The following CGRRF1 variants were observed in gnomAD, a reference collection of about 807,000 sequenced individuals.
CGRRF1 encodes cell growth regulator with ring finger domain 1.
CGRRF1 carries 32 observed loss-of-function variants against 37.2 expected under a neutral mutation model. The ratio of observed to expected loss-of-function variants is 0.86; its 90% CI spans 0.65 to 1.16. The LOEUF is 1.16. Among genes scored for constraint, CGRRF1 ranks in the 50% most tolerant of loss-of-function variants. CGRRF1 has a pLI of 0.00. For missense variants in CGRRF1, 391 were observed against 382.6 expected, an observed-to-expected ratio of 1.02 and a Z score of -0.18; for synonymous variants, 141 against 140.3, an observed-to-expected ratio of 1.00 and a Z score of -0.04.
chr14:54,517,076 A>G lies in CGRRF1; in HGVS notation c.105-5378A>G, dbSNP rs897320125. On this transcript the variant is annotated intron_variant, in intron 1 of 5. Transcript: ENST00000216420. ...ACTTTTCTTCTGAAACATATGGAAT[A>G]TAGTCCTAGGAGCTATTTTTATATC... 3.9e-5 allele frequency among the ~76,000 whole-genome samples: 6 copies of G among 152,222 alleles called. No homozygotes were observed. The South Asian group carries it at 6.2e-4, about 16-fold the overall frequency.
At chr14:54,527,540 C>T (rs1238857833) in intron 2 of CGRRF1, among the ~76,000 whole-genome samples, 1 of 151,954 alleles carries the variant, frequency 6.6e-6, no homozygotes, top group Non-Finnish European at 1.5e-5. Context: ...ATTTTAGAGA[C>T]ATTTTAAGAT....
intron 1 of CGRRF1, among the ~76,000 whole-genome samples, chr14:54,512,708 A>G (rs979936388): frequency 2.6e-5 from 4 of 152,178 alleles, no homozygotes; most frequent in Non-Finnish European, 4.4e-5. Flanking sequence ...ACTTGCCACA[A>G]TAGTGCCTCA....
At chr14:54,518,355 G>T (rs1008752282) in intron 1 of CGRRF1, among the ~76,000 whole-genome samples, 2 of 152,018 alleles carry the variant, frequency 1.3e-5, no homozygotes, top group Admixed American at 1.3e-4. Flanking sequence ...AGACCAGCCT[G>T]ACCAACATGG....
chr14:54,538,439 C>G lies in CGRRF1; in HGVS notation c.*56C>G. 1 of 1,280,020 alleles carries G rather than the reference C, an allele frequency of 7.8e-7. No individual in the cohort carries two copies. The highest frequency in any genetic ancestry group is 1.4e-5 in the South Asian group (1 of 71,644). The allele number at this position is 1,280,020 out of a possible 1,614,324, so 79.3% of individuals were successfully genotyped here. A position where few individuals can be genotyped will look rare whatever the true frequency, so the allele number is the denominator to read the frequency against. On this transcript the variant is annotated 3_prime_UTR_variant, in exon 6 of 6. Coordinates refer to ENST00000216420, the MANE Select transcript of CGRRF1 (RefSeq NM_006568.3). ...TACTAAAGATGCAGAAATTGATGATCTTGGAATTCATCATAACATGGAATC... is the reference window on the plus strand; with the variant it reads ...TACTAAAGATGCAGAAATTGATGATGTTGGAATTCATCATAACATGGAATC...
At chr14:54,518,871 C>T (rs1250902228) in intron 1 of CGRRF1, among the ~76,000 whole-genome samples, 1 of 152,040 alleles carries the variant, frequency 6.6e-6, no homozygotes, top group Non-Finnish European at 1.5e-5. Context: ...ATTGCAAAAA[C>T]ATTTTATATT....
intron 2 of CGRRF1, among the ~76,000 whole-genome samples, chr14:54,526,387 G>T (rs2032412548): frequency 6.6e-6 from 1 of 151,514 alleles, no homozygotes; most frequent in African/African-American, 2.4e-5. Context: ...TTGACCTCAT[G>T]ATCTGCCCAC....
Position 54,538,306 on chromosome 14 carries a change from T to G in CGRRF1, c.922T>G (p.Cys308Gly). The G allele has an allele frequency of 6.2e-7, 1 of 1,614,186 alleles. No homozygotes were observed. Among genetic ancestry groups the G allele is most frequent in the Non-Finnish European group, 8.5e-7 (1 of 1,179,988 alleles). The change falls in exon 6 of 6, where the codon TGC becomes GGC. Residue 308 changes from cysteine (C) to glycine (G), a missense_variant. Cys to Gly is a radical substitution (Grantham distance 159). Coordinates refer to ENST00000216420, the MANE Select transcript of CGRRF1 (RefSeq NM_006568.3). ...GAAGTATTTTCAGCAGTGCCCAATGTGCAGGCAGTTTGTTCAGGAATCTTT... is the reference window on the plus strand; with the variant it reads ...GAAGTATTTTCAGCAGTGCCCAATGGGCAGGCAGTTTGTTCAGGAATCTTT... Reference protein sequence around the residue: ...CVKYFQQCPMCRQFVQESFAL... With the variant: ...CVKYFQQCPMGRQFVQESFAL...
chr14:54,515,861 C>G (rs1594646961), intron 1 of CGRRF1, among the ~76,000 whole-genome samples: 1 of 151,946 alleles, frequency 6.6e-6, no homozygotes, highest in East Asian at 1.9e-4. Flanking sequence ...ATGTTTTTAT[C>G]CAATCTGATA....
At chr14:54,529,990 A>G (rs896994054) in intron 2 of CGRRF1, 59 bp from the exon 3 acceptor site, 4 of 1,398,382 alleles carry the variant, frequency 2.9e-6, no homozygotes, top group South Asian at 1.3e-5. Context: ...CTCACCCTGT[A>G]TGATTGTATT....
chr14:54,530,658 G>C (rs1185375885), intron 3 of CGRRF1: 4 of 832,448 alleles, frequency 4.8e-6, no homozygotes, highest in Non-Finnish European at 5.6e-6. Flanking sequence ...CTAACTTATT[G>C]ATCATTTTTG....
intron 4 of CGRRF1, among the ~76,000 whole-genome samples, chr14:54,531,788 CTT>C (rs1366054307): frequency 1.3e-5 from 2 of 152,048 alleles, no homozygotes; most frequent in African/African-American, 4.8e-5. Flanking sequence ...AGGACTGAAA[CTT>C]TGACAATCAT....
chr14:54,518,234 C>G (rs1025001563), intron 1 of CGRRF1, among the ~76,000 whole-genome samples: 1 of 152,090 alleles, frequency 6.6e-6, no homozygotes, highest in African/African-American at 2.4e-5. Context: ...AATTTATATT[C>G]CCACCAACAG....
chr14:54,532,454 T>C (rs1430488700), intron 4 of CGRRF1, among the ~76,000 whole-genome samples: 1 of 152,144 alleles, frequency 6.6e-6, no homozygotes, highest in Non-Finnish European at 1.5e-5. Context: ...AATGTGGTAT[T>C]GCTTTTGGGA....
rs558306074 is a variant in CGRRF1, at chr14:54,520,977, G to A, written c.105-1477G>A. On this transcript the variant is annotated intron_variant, in intron 1 of 5. Coordinates refer to ENST00000216420, the MANE Select transcript of CGRRF1 (RefSeq NM_006568.3). ...TAAAATTTCCTAGTTTAACTGGTGT[G>A]TATTAATTTTAGATTATTTTATGTA... Among the ~76,000 whole-genome samples, 9 of 152,250 alleles carry A rather than the reference G, an allele frequency of 5.9e-5. No homozygotes were observed. In the East Asian group the frequency reaches 1.2e-3, roughly 20 times the overall value.
intron 1 of CGRRF1, among the ~76,000 whole-genome samples, chr14:54,519,560 G>A (rs2032280214): frequency 6.6e-6 from 1 of 152,008 alleles, no homozygotes; most frequent in South Asian, 2.1e-4. Flanking sequence ...CTAGGACCAA[G>A]TCTTATAACG....
intron 1 of CGRRF1, among the ~76,000 whole-genome samples, chr14:54,511,093 T>TA (rs1251363824): frequency 6.6e-6 from 1 of 152,216 alleles, no homozygotes. Flanking sequence ...GAGAACATGT[T>TA]AGTGAATAAA....
At chr14:54,531,491 A>T (rs1288598009) in intron 4 of CGRRF1, among the ~76,000 whole-genome samples, 1 of 152,186 alleles carries the variant, frequency 6.6e-6, no homozygotes, top group African/African-American at 2.4e-5. Flanking sequence ...TTTGCTGTAT[A>T]GAAACAGTCT....
At chr14:54,537,583 A>C (rs2032619607) in intron 4 of CGRRF1, 139 bp from the exon 5 acceptor site, 3 of 880,148 alleles carry the variant, frequency 3.4e-6, no homozygotes, top group Admixed American at 4.1e-5. Flanking sequence ...CTAATTTATC[A>C]GCCTTTTATT....
intron 1 of CGRRF1, among the ~76,000 whole-genome samples, chr14:54,517,494 A>G (rs1032368174): frequency 1.3e-5 from 2 of 151,890 alleles, no homozygotes; most frequent in Non-Finnish European, 2.9e-5. Context: ...TTAGTTTTCA[A>G]CCTAAATTTT....
Sources: allele counts gnomAD v4.1 joint callset (sites outside exome capture counted in the v4.1 genomes callset), GRCh38; gene constraint gnomAD v4.1.1; transcripts MANE v1.5; gene names NCBI Gene and HGNC (gene_info 2026-07-23, HGNC 2026-07-21).